C14orf39: variants seen among roughly 807,000 people sequenced by gnomAD.
C14orf39 encodes the protein protein SIX6OS1.
In C14orf39, 66 loss-of-function variants were observed where a neutral mutation model predicts 85.6. That is an observed-to-expected ratio of 0.77 (90% CI 0.63 to 0.95). The LOEUF (loss-of-function observed/expected upper bound fraction) is 0.95. C14orf39 is among the 40% of genes least tolerant of loss of function. C14orf39 has a pLI of 0.00. For missense variants in C14orf39, 735 were observed against 663.9 expected, an observed-to-expected ratio of 1.11 and a Z score of -1.18; for synonymous variants, 242 against 214.0, an observed-to-expected ratio of 1.13 and a Z score of -1.14.
At chr14:60,508,175 G>A (rs971065476) in intron 1 of C14orf39, among the ~76,000 whole-genome samples, 10 of 152,314 alleles carry the variant, frequency 6.6e-5, no homozygotes, top group African/African-American at 2.4e-4. Flanking sequence ...AAATGCCAAG[G>A]TTAGAGTTGT....
chr14:60,482,678 C>G (rs1892692976), intron 4 of C14orf39, among the ~76,000 whole-genome samples: 1 of 152,072 alleles, frequency 6.6e-6, no homozygotes, highest in Admixed American at 6.5e-5. Flanking sequence ...TGGAAATAAC[C>G]TAAATTTCCA....
At chr14:60,510,081 A>G in intron 1 of C14orf39, 1 of 989,862 alleles carries the variant, frequency 1.0e-6, no homozygotes. Context: ...AGGAGTTGGG[A>G]GCGCGGTCTG....
chr14:60,472,249 C>A (rs1892122393), intron 5 of C14orf39, among the ~76,000 whole-genome samples: 1 of 151,886 alleles, frequency 6.6e-6, no homozygotes, highest in South Asian at 2.1e-4. Context: ...CTCTTGTGTT[C>A]ACCATCAAAT....
intron 1 of C14orf39, chr14:60,511,323 G>C: frequency 7.0e-3 from 9,177 of 1,308,536 alleles, no homozygotes; most frequent in Non-Finnish European, 9.3e-3. Context: ...AAGAGGGGAA[G>C]AAGATGAGAG....
chr14:60,445,474 T>C (rs868648134), intron 16 of C14orf39, among the ~76,000 whole-genome samples: 1 of 152,178 alleles, frequency 6.6e-6, no homozygotes, highest in Non-Finnish European at 1.5e-5. Context: ...ATGAAGGCTA[T>C]TACAAAATGA....
At chr14:60,467,898 C>T (rs547964500) in intron 9 of C14orf39, among the ~76,000 whole-genome samples, 6 of 151,320 alleles carry the variant, frequency 4.0e-5, no homozygotes, top group African/African-American at 1.2e-4. Flanking sequence ...AATAGTAATA[C>T]ATCTATTTTT....
At chr14:60,511,875 G>C (rs1893299522) in intron 1 of C14orf39, 1 of 157,816 alleles carries the variant, frequency 6.3e-6, no homozygotes. Flanking sequence ...AGGCATGCAG[G>C]GACCCTTGAG....
chr14:60,484,936 G>T lies in C14orf39; in HGVS notation c.51C>A (p.Val17=). ...VSLDRLLLEF[V]FQYEQDISTK... ...TACTTATGTCTTGCTCATACTGGAA[G>T]ACTAAAATAAATAATTATCTTGTGA... The change falls in exon 3 of 18, where the codon GTC becomes GTA. Residue 17 remains valine, a splice_region_variant and synonymous_variant. Coordinates refer to ENST00000321731, the MANE Select transcript of C14orf39 (RefSeq NM_174978.3). The surrounding 1 kb of genome is among the most constrained non-coding windows in gnomAD (Gnocchi z 4.2). 6.4e-7 allele frequency: 1 copy of T among 1,574,210 alleles called. No homozygotes were observed. Among genetic ancestry groups the T allele is most frequent in the Non-Finnish European group, 8.6e-7 (1 of 1,158,490 alleles).
chr14:60,457,162 G>T, intron 14 of C14orf39, 67 bp from the exon 15 acceptor site: 1 of 1,023,784 alleles, frequency 9.8e-7, no homozygotes, highest in Non-Finnish European at 1.4e-6. Flanking sequence ...ACATAAAAAT[G>T]CATGAGGTGG....
At chr14:60,509,290 C>G in intron 1 of C14orf39, 1 of 967,444 alleles carries the variant, frequency 1.0e-6, no homozygotes, top group Admixed American at 1.8e-5. Flanking sequence ...GTCCCGCTGC[C>G]CCAATCCGCC....
intron 5 of C14orf39, among the ~76,000 whole-genome samples, chr14:60,474,222 A>G (rs958259669): frequency 6.6e-6 from 1 of 152,126 alleles, no homozygotes; most frequent in Non-Finnish European, 1.5e-5. Context: ...GGTGTATAAG[A>G]ATGCTTGTGA....
intron 1 of C14orf39, chr14:60,509,274 T>G: frequency 1.2e-6 from 1 of 828,390 alleles, no homozygotes; most frequent in Non-Finnish European, 2.0e-6. Flanking sequence ...CGCCACCCGG[T>G]AGTGTGTCCC....
At chr14:60,446,379 C>T (rs1890766474) in intron 16 of C14orf39, among the ~76,000 whole-genome samples, 1 of 152,136 alleles carries the variant, frequency 6.6e-6, no homozygotes, top group South Asian at 2.1e-4. Flanking sequence ...CACCACTGAT[C>T]CCACAGAAAT....
At chr14:60,439,494 T>C (rs1428941251) in intron 17 of C14orf39, among the ~76,000 whole-genome samples, 1 of 152,182 alleles carries the variant, frequency 6.6e-6, no homozygotes, top group Non-Finnish European at 1.5e-5. Context: ...TAGTTGAATG[T>C]AGTCACAGTC....
chr14:60,454,900 T>G (rs1891197720), intron 16 of C14orf39, 101 bp downstream of exon 16: 1 of 912,430 alleles, frequency 1.1e-6, no homozygotes, highest in Non-Finnish European at 1.6e-6. Context: ...AATGCTTCTG[T>G]TGATAATCTG....
At chr14:60,476,163 T>TA (rs1892368193) in intron 5 of C14orf39, among the ~76,000 whole-genome samples, 1 of 152,230 alleles carries the variant, frequency 6.6e-6, no homozygotes, top group Non-Finnish European at 1.5e-5. Context: ...AAGACCCACT[T>TA]ACTATTTAAT....
chr14:60,456,987 T>C lies in C14orf39; in HGVS notation c.1288A>G (p.Thr430Ala), dbSNP rs756564448. Residue 430 changes from threonine to alanine, a missense_variant, in exon 15 of 18, where the codon ACT (threonine) becomes GCT (alanine). Thr to Ala is a moderately conservative substitution (Grantham distance 58). Coordinates refer to ENST00000321731, the MANE Select transcript of C14orf39 (RefSeq NM_174978.3). Reference protein sequence around the residue: ...RTSEIPIFLGTPKAVKAPESL... With the variant: ...RTSEIPIFLGAPKAVKAPESL... The stretch of plus-strand genomic sequence containing the variant: ...TCAGGTGCTTTCACAGCTTTGGGAG[T>C]TCCTAAAAATATAGGAATTTCAGAC... 3 of 1,610,894 alleles carry C rather than the reference T, an allele frequency of 1.9e-6. No homozygotes were observed. Among genetic ancestry groups the C allele is most frequent in the Non-Finnish European group, 8.5e-7 (1 of 1,178,550 alleles).
chr14:60,438,140 A>G (rs950148709), intron 17 of C14orf39, among the ~76,000 whole-genome samples: 30 of 151,924 alleles, frequency 2.0e-4, no homozygotes, highest in South Asian at 6.2e-4. Context: ...TGTTTCATAA[A>G]TTTTTTAACT....
At chr14:60,445,631 C>T (rs1034415220) in intron 16 of C14orf39, among the ~76,000 whole-genome samples, 5 of 152,150 alleles carry the variant, frequency 3.3e-5, no homozygotes, top group Non-Finnish European at 2.9e-5. Flanking sequence ...TAACACAACA[C>T]TGTCAATATT....
Sources: gnomAD v4.1 joint callset for allele counts (sites outside exome capture counted in the v4.1 genomes callset) on GRCh38, gnomAD v4.1.1 for gene constraint, Gnocchi (gnomAD v3.1) non-coding constraint, MANE v1.5 for transcripts, NCBI Gene and HGNC (gene_info 2026-07-23, HGNC 2026-07-21) for gene names.